Variants in KIAA1217 observed in about 807,000 individuals in gnomAD.
The protein encoded by KIAA1217 is KIAA1217, also known as sickle tail protein homolog.
KIAA1217 carries 88 observed loss-of-function variants against 163.9 expected under a neutral mutation model. That is an observed-to-expected ratio of 0.54 (90% CI 0.45 to 0.64). The LOEUF is 0.64. KIAA1217 is among the 30% of genes least tolerant of loss of function. The pLI is 0.00. For synonymous variants in KIAA1217, 903 were observed against 923.1 expected, an observed-to-expected ratio of 0.98 and a Z score of 0.39; for missense variants, 2,372 against 2,475.0, an observed-to-expected ratio of 0.96 and a Z score of 0.88.
intron 1 of KIAA1217, among the ~76,000 whole-genome samples, chr10:23,886,215 TAGCCAAGTGTTCCTCTTATTGCTAA>T (rs1338175813): frequency 6.6e-6 from 1 of 151,960 alleles, no homozygotes; most frequent in Non-Finnish European, 1.5e-5. Flanking sequence ...TGATTTCCAG[TAGCCAAGTGTTCCTCTTATTGCTAA>T]CTGTGTGGAT....
chr10:24,075,159 CA>C (rs2061330463), intron 2 of KIAA1217, among the ~76,000 whole-genome samples: 2 of 149,216 alleles, frequency 1.3e-5, no homozygotes, highest in Non-Finnish European at 2.9e-5. Flanking sequence ...CACACACACA[CA>C]CACACCCCTT....
chr10:23,982,944 T>C (rs916065291), intron 1 of KIAA1217, among the ~76,000 whole-genome samples: 1 of 152,094 alleles, frequency 6.6e-6, no homozygotes, highest in African/African-American at 2.4e-5. Flanking sequence ...CATGGGTCTG[T>C]GGGTTGACCA....
chr10:23,778,170 A>T (rs1835089934), intron 1 of KIAA1217, among the ~76,000 whole-genome samples: 2 of 151,892 alleles, frequency 1.3e-5, no homozygotes, highest in South Asian at 4.2e-4. Flanking sequence ...TGAACTCCTG[A>T]CCTCGTGATT....
intron 2 of KIAA1217, among the ~76,000 whole-genome samples, chr10:24,090,238 C>A (rs890857523): frequency 6.4e-5 from 9 of 140,504 alleles, no homozygotes; most frequent in African/African-American, 2.5e-4. Flanking sequence ...ATGATCGTGG[C>A]TCACTGCAGC....
chr10:24,213,203 C>T (rs1228411036), intron 1 of KIAA1217, among the ~76,000 whole-genome samples: 1 of 152,154 alleles, frequency 6.6e-6, no homozygotes, highest in Non-Finnish European at 1.5e-5. Context: ...AGTAGGCACT[C>T]AACAATTATT....
chr10:24,313,350 C>T (rs2042947446), intron 2 of KIAA1217, among the ~76,000 whole-genome samples: 2 of 152,176 alleles, frequency 1.3e-5, no homozygotes, highest in African/African-American at 4.8e-5. Flanking sequence ...ACAAAGTGCT[C>T]TTACTGGTAG....
intron 2 of KIAA1217, chr10:24,255,392 C>G: frequency 2.9e-6 from 1 of 339,290 alleles, no homozygotes; most frequent in South Asian, 2.2e-5. Context: ...GGAGAATGGA[C>G]GAGCTGGTTG....
In KIAA1217 at chr10:23,870,618, C is replaced by T. The variant is rs1017974019; in HGVS notation, c.-320-136607C>T. Among the ~76,000 whole-genome samples the T allele has an allele frequency of 1.2e-4, 19 of 152,068 alleles. 1 individual carries two copies. The highest frequency in any genetic ancestry group is 7.2e-4 in the Admixed American group (11 of 15,254). ...GTGCTAAGCAGGGAGGCAAGTTTTA[C>T]GTACTTTAAATCACCTAATTCTCAT... is the stretch of plus-strand genomic sequence containing the variant. On this transcript the variant is annotated intron_variant, in intron 1 of 18. Coordinates refer to the KIAA1217 transcript ENST00000376462.
chr10:23,790,363 A>G (rs912566802), intron 1 of KIAA1217, among the ~76,000 whole-genome samples: 2 of 108,436 alleles, frequency 1.8e-5, no homozygotes, highest in Admixed American at 1.9e-4. Flanking sequence ...ATATGCATAT[A>G]TACATATACA....
At chr10:24,455,908 G>A (rs1225596643) in intron 5 of KIAA1217, among the ~76,000 whole-genome samples, 1 of 152,146 alleles carries the variant, frequency 6.6e-6, no homozygotes, top group East Asian at 1.9e-4. Context: ...TTTTTTCTGA[G>A]ACACGAGTCT....
intron 1 of KIAA1217, among the ~76,000 whole-genome samples, chr10:23,789,981 A>ATACACATATACATATACACATATG (rs1835676930): frequency 8.1e-6 from 1 of 123,654 alleles, no homozygotes; most frequent in Non-Finnish European, 1.6e-5. Flanking sequence ...ATACATATAT[A>ATACACATATACATATACACATATG]CACATATACA....
intron 1 of KIAA1217, among the ~76,000 whole-genome samples, chr10:23,875,346 T>C (rs1034719276): frequency 6.6e-6 from 1 of 152,046 alleles, no homozygotes; most frequent in Non-Finnish European, 1.5e-5. Flanking sequence ...AGATATTGCA[T>C]TGGGAAAATA....
intron 4 of KIAA1217, among the ~76,000 whole-genome samples, chr10:24,437,183 A>G (rs529627484): frequency 3.3e-5 from 5 of 152,182 alleles, no homozygotes; most frequent in African/African-American, 1.2e-4. Flanking sequence ...CTCTGGCCAA[A>G]TGGGGAGCTC....
intron 1 of KIAA1217, among the ~76,000 whole-genome samples, chr10:23,704,212 A>G (rs1218635294): frequency 8.2e-6 from 1 of 122,488 alleles, no homozygotes; most frequent in African/African-American, 3.1e-5. Flanking sequence ...ATATATATAT[A>G]GTGAGCTCAG....
chr10:24,305,024 G>A (rs2041846921), intron 2 of KIAA1217, among the ~76,000 whole-genome samples: 1 of 152,204 alleles, frequency 6.6e-6, no homozygotes, highest in Admixed American at 6.5e-5. Flanking sequence ...AATGGGAGGT[G>A]AGGGAGCCTG....
intron 2 of KIAA1217, among the ~76,000 whole-genome samples, chr10:24,143,741 G>C (rs1489553746): frequency 6.6e-6 from 1 of 151,794 alleles, no homozygotes; most frequent in African/African-American, 2.4e-5. Context: ...CACTGAGACA[G>C]GGCAGCCTTA....
intron 18 of KIAA1217, 45 bp from the exon 19 acceptor site, chr10:24,542,838 T>C (rs2075286804): frequency 6.2e-7 from 1 of 1,610,994 alleles, no homozygotes; most frequent in African/African-American, 1.3e-5. Context: ...GCAGATCCAT[T>C]GCTGATTAAC....
At chr10:23,994,560 C>T (rs920812619) in intron 1 of KIAA1217, among the ~76,000 whole-genome samples, 1 of 152,156 alleles carries the variant, frequency 6.6e-6, no homozygotes, top group Non-Finnish European at 1.5e-5. Flanking sequence ...AACTCAGCAG[C>T]CTTTTTTGAA....
rs149824992 is a variant in KIAA1217 at position 23,719,423 on chromosome 10, A to G, written c.-321+24189A>G. ...TAGCGACACGCTATCTCTACAAAAA[A>G]TACAAAAATTAGCTAGGTGTGGTGG... On this transcript the variant is annotated intron_variant, in intron 1 of 18. Transcript: ENST00000376462. Among the ~76,000 whole-genome samples, 1,293 of 152,194 alleles carry G rather than the reference A, an allele frequency of 8.5e-3. 19 individuals are homozygous for G. The highest frequency in any genetic ancestry group is 0.029 in the African/African-American group (1,212 of 41,510).
Sources: gnomAD v4.1 joint callset for allele counts (sites outside exome capture counted in the v4.1 genomes callset) on GRCh38, gnomAD v4.1.1 for gene constraint, MANE v1.5 for transcripts, NCBI Gene and HGNC (gene_info 2026-07-23, HGNC 2026-07-21) for gene names.